Variants in ZGRF1 observed in about 807,000 individuals in gnomAD.
ZGRF1 encodes zinc finger GRF-type containing 1, also known as 5'-3' DNA helicase ZGRF1.
ZGRF1 carries 196 observed loss-of-function variants against 203.5 expected under a neutral mutation model. That is an observed-to-expected ratio of 0.96 (90% CI 0.86 to 1.08). The LOEUF (loss-of-function observed/expected upper bound fraction) is 1.08, where lower values mean the gene tolerates loss of function less well. ZGRF1 is among the 50% of genes least tolerant of loss of function. ZGRF1 has a pLI of 0.00. For synonymous variants in ZGRF1, 809 were observed against 841.3 expected (o/e 0.96, Z 0.66); for missense variants, 2,326 against 2,416.3 (o/e 0.96, Z 0.78).
At position 112,623,820 on chromosome 4, in the gene ZGRF1, A is replaced by C. The variant is rs2047140915; in HGVS notation, c.159T>G (p.Leu53=). ...ACLESLFLKC[L]EVKPGDDLES... is the part of the protein sequence containing the mutation. ...TAAGATAAACACACTAAAATACCTC[A>C]AGGCATTTAAGAAACAGACTCTCCA... Residue 53 remains leucine, a synonymous_variant, in exon 4 of 28, where the codon CTT becomes CTG. Coordinates refer to ENST00000505019, the MANE Select transcript of ZGRF1 (RefSeq NM_018392.5). The C allele has an allele frequency of 6.5e-7, 1 of 1,546,406 alleles. No individual in the cohort carries two copies. The highest frequency in any genetic ancestry group is 1.4e-5 in the African/African-American group (1 of 73,160).
At chr4:112,628,904 C>A in intron 3 of ZGRF1, 1 of 400,498 alleles carries the variant, frequency 2.5e-6, no homozygotes, top group Non-Finnish European at 4.8e-6. Context: ...TAGCATCAGA[C>A]ACTGAATGAA....
chr4:112,595,921 T>C (rs892617694), intron 10 of ZGRF1, among the ~76,000 whole-genome samples: 3 of 152,168 alleles, frequency 2.0e-5, no homozygotes, highest in Non-Finnish European at 4.4e-5. Context: ...TTGATAAAAA[T>C]ACAGAATTTC....
intron 1 of ZGRF1, among the ~76,000 whole-genome samples, chr4:112,635,849 A>G (rs539970499): frequency 2.6e-5 from 4 of 151,946 alleles, no homozygotes; most frequent in African/African-American, 9.7e-5. Flanking sequence ...CACAATTGCA[A>G]GATAAATTCT....
chr4:112,597,621 G>A (rs1430368525), intron 10 of ZGRF1, among the ~76,000 whole-genome samples: 1 of 151,730 alleles, frequency 6.6e-6, no homozygotes, highest in East Asian at 1.9e-4. Context: ...GTTCACTCCT[G>A]TAATCCCAGC....
chr4:112,561,807 G>A (rs1742029327), intron 18 of ZGRF1, among the ~76,000 whole-genome samples: 1 of 150,476 alleles, frequency 6.6e-6, no homozygotes, highest in South Asian at 2.1e-4. Flanking sequence ...AATCAATACT[G>A]AAATGATCCT....
chr4:112,545,853 A>T (rs571857594), intron 24 of ZGRF1, among the ~76,000 whole-genome samples: 1 of 152,310 alleles, frequency 6.6e-6, no homozygotes, highest in South Asian at 2.1e-4. Flanking sequence ...AATAAGACAG[A>T]CATAAAATGA....
chr4:112,630,334 ATGGTGAAACTCCG>A (rs1294057844), intron 3 of ZGRF1, among the ~76,000 whole-genome samples: 1 of 152,198 alleles, frequency 6.6e-6, no homozygotes, highest in African/African-American at 2.4e-5. Context: ...CCTGACCAAC[ATGGTGAAACTCCG>A]TGTCTATTAA....
intron 3 of ZGRF1, among the ~76,000 whole-genome samples, chr4:112,627,938 G>A (rs141356187): frequency 1.3e-4 from 20 of 152,080 alleles, no homozygotes; most frequent in South Asian, 4.2e-4. Context: ...CCCACATTTC[G>A]TATCATTTCA....
At chr4:112,572,475 C>T (rs1052380277) in intron 16 of ZGRF1, among the ~76,000 whole-genome samples, 5 of 152,134 alleles carry the variant, frequency 3.3e-5, no homozygotes, top group African/African-American at 4.8e-5. Context: ...ACCCTTCTGA[C>T]TTTGGCTTAG....
intron 1 of ZGRF1, among the ~76,000 whole-genome samples, chr4:112,635,445 G>C (rs1327033648): frequency 6.6e-6 from 1 of 151,914 alleles, no homozygotes; most frequent in Non-Finnish European, 1.5e-5. Flanking sequence ...CTTTTACAGA[G>C]ACAGGGTCTC....
rs1750725067 is a variant in ZGRF1, at chr4:112,606,062, A to C, written c.2748T>G (p.Thr916=). ...GTTTAGGAATAACAGCTTGAAAAGC[A>C]GTCTCTTCTTTACTTCCCGAGGAAG... ...QFSSSGSKEE[T]AFQAVIPKQI... Residue 916 remains threonine, a synonymous_variant, in exon 9 of 28, where the codon ACT becomes ACG. Coordinates refer to ENST00000505019, the MANE Select transcript of ZGRF1 (RefSeq NM_018392.5). 1 of 1,604,552 alleles carries C rather than the reference A, an allele frequency of 6.2e-7. No individual in the cohort carries two copies. The highest frequency in any genetic ancestry group is 1.1e-5 in the South Asian group (1 of 88,914).
chr4:112,565,362 C>A (rs551735318), intron 16 of ZGRF1: 24 of 1,123,448 alleles, frequency 2.1e-5, no homozygotes, highest in Middle Eastern at 2.0e-4. Context: ...CAAAAGACAT[C>A]CAGCTAGCAT....
intron 3 of ZGRF1, among the ~76,000 whole-genome samples, chr4:112,628,367 A>C (rs1281525707): frequency 1.3e-5 from 2 of 152,338 alleles, no homozygotes; most frequent in South Asian, 4.1e-4. Context: ...TAATAAGAGA[A>C]GAGCCAGAAT....
At chr4:112,619,792 C>T (rs2047005733) in intron 5 of ZGRF1, 102 bp from the exon 6 acceptor site, 2 of 1,066,338 alleles carry the variant, frequency 1.9e-6, no homozygotes, top group Non-Finnish European at 1.3e-6. Flanking sequence ...TTCTGGTTTG[C>T]CTAAGGTAAA....
rs752378163 is a variant in ZGRF1 at position 112,606,007 on chromosome 4, C to T, written c.2802+1G>A. 81 of 1,572,660 alleles carry T rather than the reference C, an allele frequency of 5.2e-5. 1 individual carries two copies. In the South Asian group the frequency reaches 8.6e-4, roughly 17 times the overall value. On this transcript the variant is annotated splice_donor_variant, in intron 9 of 27. Transcript: ENST00000505019. LOFTEE classifies it high-confidence loss of function. The stretch of plus-strand genomic sequence containing the variant: ...AAATCGATGTTCTTCACAAATTTTA[C>T]CTTAGGGTCACAGGTTTTTCTCTCT...
chr4:112,560,755 G>A lies in ZGRF1; in HGVS notation c.4938C>T (p.Thr1646=), dbSNP rs770044659. ...TACCATGTATGATTGTGATAGGGAAGGTATGAGTTTGCAGTTCCTTCACTT... is the reference window on the plus strand; with the variant it reads ...TACCATGTATGATTGTGATAGGGAAAGTATGAGTTTGCAGTTCCTTCACTT... The part of the protein sequence containing the change: ...IEEVKELQTH[T]FPITIIHGVF... The change falls in exon 19 of 28, where the codon ACC becomes ACT. Residue 1646 remains threonine (T), a synonymous_variant. Transcript: ENST00000505019. 1.9e-5 allele frequency: 31 copies of A among 1,594,052 alleles called. No individual in the cohort carries two copies. Among genetic ancestry groups the A allele is most frequent in the Admixed American group, 1.5e-4 (9 of 59,352 alleles).
chr4:112,593,877 C>G (rs1478364321), intron 10 of ZGRF1, among the ~76,000 whole-genome samples: 2 of 151,862 alleles, frequency 1.3e-5, no homozygotes, highest in Non-Finnish European at 2.9e-5. Flanking sequence ...GATCGTCCCA[C>G]CCCCGCCTCC....
In ZGRF1 at chr4:112,631,975, T is replaced by G; in HGVS notation, c.57A>C (p.Lys19Asn). Reference protein sequence around the residue: ...LYTHQKMKKSKVWQDGILKIT... With the variant: ...LYTHQKMKKSNVWQDGILKIT... ...TCTTCAGAATTCCATCTTGCCACAC[T>G]TTTGACTTCTTCATCTTTTGATGAG... The change falls in exon 3 of 28, where the codon AAA (lysine) becomes AAC (asparagine). Residue 19 changes from lysine (K) to asparagine (N), a missense_variant. Physicochemically the swap from Lys to Asn is moderately conservative, Grantham distance 94 (BLOSUM62 0). Coordinates refer to ENST00000505019, the MANE Select transcript of ZGRF1 (RefSeq NM_018392.5). 6.3e-7 allele frequency: 1 copy of G among 1,595,200 alleles called. No individual in the cohort carries two copies. The highest frequency in any genetic ancestry group is 8.5e-7 in the Non-Finnish European group (1 of 1,170,688).
rs72900962 is a variant in ZGRF1, at chr4:112,540,103, C to T, written c.5932G>A (p.Val1978Met). The change falls in exon 27 of 28, where the codon GTG (valine) becomes ATG (methionine). Residue 1978 changes from valine (V) to methionine (M), a missense_variant. Coordinates refer to ENST00000505019, the MANE Select transcript of ZGRF1 (RefSeq NM_018392.5). ...TTAATATCAGGATGGTGAAAGTCCACAGCACTGAGTAAATGACAAAGCTGT... is the reference window on the plus strand; with the variant it reads ...TTAATATCAGGATGGTGAAAGTCCATAGCACTGAGTAAATGACAAAGCTGT... ...MYKLCHLLSA[V>M]DFHHPDIKTV... is the part of the protein sequence containing the mutation. 9.7e-4 allele frequency: 1,540 copies of T among 1,582,374 alleles called. 18 individuals are homozygous for T. In the African/African-American group the frequency reaches 0.019, roughly 19 times the overall value.
Sources: allele counts gnomAD v4.1 joint callset (sites outside exome capture counted in the v4.1 genomes callset), GRCh38; gene constraint gnomAD v4.1.1; transcripts MANE v1.5; gene names NCBI Gene and HGNC (gene_info 2026-07-23, HGNC 2026-07-21).